CADPS2: variants seen among roughly 807,000 people sequenced by gnomAD.
CADPS2 encodes the protein calcium-dependent secretion activator 2.
CADPS2 carries 93 observed loss-of-function variants against 172.5 expected under a neutral mutation model. That is an observed-to-expected ratio of 0.54 (90% CI 0.46 to 0.64). The LOEUF (loss-of-function observed/expected upper bound fraction) is 0.64, where lower values mean the gene tolerates loss of function less well. Among genes scored for constraint, CADPS2 ranks in the 30% least tolerant of loss-of-function variants. The pLI, the probability that CADPS2 is intolerant of heterozygous loss-of-function variation, is 0.00. For synonymous variants in CADPS2, 546 were observed against 555.2 expected (o/e 0.98, Z 0.23); for missense variants, 1,420 against 1,565.9 (o/e 0.91, Z 1.57).
chr7:122,815,662 C>T (rs979028078), intron 1 of CADPS2, among the ~76,000 whole-genome samples: 1 of 151,944 alleles, frequency 6.6e-6, no homozygotes, highest in African/African-American at 2.4e-5. Flanking sequence ...TAGACATCGA[C>T]AAAGCTGATA....
chr7:122,702,142 G>T (rs2086226538), intron 2 of CADPS2: 2 of 1,613,676 alleles, frequency 1.2e-6, no homozygotes, highest in East Asian at 4.5e-5. Context: ...AGTAAAAGTA[G>T]GCAATTGTGG....
chr7:122,839,889 A>T (rs1396858804), intron 1 of CADPS2, among the ~76,000 whole-genome samples: 2 of 152,234 alleles, frequency 1.3e-5, no homozygotes, highest in Non-Finnish European at 2.9e-5. Flanking sequence ...TCAAGGATCT[A>T]AAACTAGAAA....
At chr7:122,655,620 T>C (rs560486691) in intron 3 of CADPS2, among the ~76,000 whole-genome samples, 1 of 152,244 alleles carries the variant, frequency 6.6e-6, no homozygotes, top group East Asian at 1.9e-4. Context: ...AAAAATTGTG[T>C]GACCTGCTTT....
chr7:122,593,018 A>ATAAATAAT (rs1457951960), intron 6 of CADPS2, among the ~76,000 whole-genome samples: 1 of 151,690 alleles, frequency 6.6e-6, no homozygotes, highest in African/African-American at 2.4e-5. Flanking sequence ...AAATAAATAA[A>ATAAATAAT]TGTATTTGAA....
chr7:122,833,546 G>C (rs904936944), intron 1 of CADPS2, among the ~76,000 whole-genome samples: 3 of 151,444 alleles, frequency 2.0e-5, no homozygotes, highest in African/African-American at 7.3e-5. Flanking sequence ...TTTTTTGTTT[G>C]TTTGTTTTGT....
chr7:122,518,323 T>A (rs2060527781), intron 8 of CADPS2, among the ~76,000 whole-genome samples: 2 of 152,072 alleles, frequency 1.3e-5, no homozygotes, highest in African/African-American at 4.8e-5. Flanking sequence ...AATAACTACA[T>A]AATGCTGTAA....
At chr7:122,796,263 T>A (rs1055260328) in intron 1 of CADPS2, among the ~76,000 whole-genome samples, 4 of 152,172 alleles carry the variant, frequency 2.6e-5, no homozygotes, top group African/African-American at 9.6e-5. Context: ...AGACTCAATA[T>A]TGTTAAATTG....
rs1584977183 is a variant in CADPS2 at position 122,319,691 on chromosome 7, G to A, written c.*474C>T. 1 of 152,354 alleles carries A rather than the reference G, an allele frequency of 6.6e-6. No homozygotes were observed. The highest frequency in any genetic ancestry group is 1.5e-5 in the Non-Finnish European group (1 of 68,252). 9.4% of individuals were successfully genotyped at this position (152,354 alleles called of 1,614,324 possible). A position where few individuals can be genotyped will look rare whatever the true frequency, so the allele number is the denominator to read the frequency against. On this transcript the variant is annotated 3_prime_UTR_variant, in exon 30 of 30. Coordinates refer to ENST00000449022, the MANE Select transcript of CADPS2 (RefSeq NM_017954.11). Reference sequence around the variant, plus strand: ...GCAAATTAAGTACAAAACGAACCTGGCACATAAATTATAATTTGTAAGGTA... The same window carrying A: ...GCAAATTAAGTACAAAACGAACCTGACACATAAATTATAATTTGTAAGGTA...
At chr7:122,469,479 AAC>A in intron 14 of CADPS2, among the ~76,000 whole-genome samples, 1 of 152,152 alleles carries the variant, frequency 6.6e-6, no homozygotes, top group Middle Eastern at 3.4e-3. Context: ...AGCTCCTATC[AAC>A]AGTTAGCCAC....
chr7:122,548,218 A>C (rs1294578327), intron 8 of CADPS2, among the ~76,000 whole-genome samples: 1 of 151,816 alleles, frequency 6.6e-6, no homozygotes, highest in African/African-American at 2.4e-5. Context: ...AATTTTTTTA[A>C]AAAAACTAGT....
chr7:122,651,752 C>T (rs951506760), intron 3 of CADPS2, among the ~76,000 whole-genome samples: 13 of 152,194 alleles, frequency 8.5e-5, no homozygotes, highest in African/African-American at 3.1e-4. Context: ...TTAATGAAAG[C>T]TGCTTTTGGC....
intron 3 of CADPS2, among the ~76,000 whole-genome samples, chr7:122,655,098 G>A (rs1017796218): frequency 2.6e-5 from 4 of 152,140 alleles, no homozygotes; most frequent in African/African-American, 9.7e-5. Context: ...GAATGGATGA[G>A]GTATTGCTTC....
At chr7:122,828,899 G>A (rs1805706337) in intron 1 of CADPS2, among the ~76,000 whole-genome samples, 1 of 152,156 alleles carries the variant, frequency 6.6e-6, no homozygotes, top group African/African-American at 2.4e-5. Flanking sequence ...GAGTCTGGGG[G>A]AACAGAATGT....
chr7:122,367,150 G>T (rs1343692875), intron 25 of CADPS2, among the ~76,000 whole-genome samples: 2 of 152,046 alleles, frequency 1.3e-5, no homozygotes, highest in Non-Finnish European at 2.9e-5. Context: ...AATTGAGTAA[G>T]TTTAATGCAA....
intron 1 of CADPS2, among the ~76,000 whole-genome samples, chr7:122,806,065 A>T (rs1334519900): frequency 6.6e-6 from 1 of 152,232 alleles, no homozygotes; most frequent in East Asian, 1.9e-4. Flanking sequence ...AATATAAATA[A>T]GAAGTACTAG....
intron 28 of CADPS2, among the ~76,000 whole-genome samples, chr7:122,332,578 G>A (rs1015425988): frequency 1.3e-5 from 2 of 151,972 alleles, no homozygotes; most frequent in African/African-American, 4.8e-5. Context: ...GGGAAGGTTG[G>A]TATAAAATAG....
intron 1 of CADPS2, among the ~76,000 whole-genome samples, chr7:122,869,046 C>T (rs563528185): frequency 6.6e-6 from 1 of 151,894 alleles, no homozygotes; most frequent in South Asian, 2.1e-4. Flanking sequence ...CTGAAGATAA[C>T]CTAAGGGAAT....
At chr7:122,671,641 A>G (rs2081871273) in intron 2 of CADPS2, among the ~76,000 whole-genome samples, 1 of 149,564 alleles carries the variant, frequency 6.7e-6, no homozygotes. Flanking sequence ...TCTTGTGAGA[A>G]GCAGCTGATC....
chr7:122,705,411 A>T (rs1046974864), intron 2 of CADPS2, among the ~76,000 whole-genome samples: 1 of 142,060 alleles, frequency 7.0e-6, no homozygotes, highest in Non-Finnish European at 1.5e-5. Flanking sequence ...ATTGAAATAT[A>T]TTAGTAGAGA....
Sources: allele counts gnomAD v4.1 joint callset (sites outside exome capture counted in the v4.1 genomes callset), GRCh38; gene constraint gnomAD v4.1.1; transcripts MANE v1.5; gene names NCBI Gene and HGNC (gene_info 2026-07-23, HGNC 2026-07-21).